TMEM132D: variants seen among roughly 807,000 people sequenced by gnomAD.
TMEM132D encodes the protein mature OL transmembrane protein.
A neutral mutation model predicts 62.3 loss-of-function variants in TMEM132D; 21 were observed. That is an observed-to-expected ratio of 0.34 (90% CI 0.24 to 0.49). The LOEUF (loss-of-function observed/expected upper bound fraction) is 0.49, where lower values mean the gene tolerates loss of function less well. TMEM132D is among the 20% of genes least tolerant of loss of function. The pLI, the probability that TMEM132D is intolerant of heterozygous loss-of-function variation, is 0.99. For synonymous variants in TMEM132D, 621 were observed against 575.6 expected (o/e 1.08, Z -1.13); for missense variants, 1,346 against 1,402.8 (o/e 0.96, Z 0.65).
chr12:129,245,918 C>T (rs4288823), intron 4 of TMEM132D, among the ~76,000 whole-genome samples: 50,575 of 151,958 alleles, frequency 0.33, 8,670 homozygotes, highest in African/African-American at 0.42. Context: ...CTGGCTTTTA[C>T]GAAAAAACTA....
intron 2 of TMEM132D, among the ~76,000 whole-genome samples, chr12:129,587,057 T>G (rs1182330053): frequency 2.0e-5 from 3 of 152,008 alleles, no homozygotes; most frequent in Non-Finnish European, 4.4e-5. Context: ...AATGTAAAAA[T>G]AGCATGTGCA....
intron 3 of TMEM132D, among the ~76,000 whole-genome samples, chr12:129,450,624 A>G (rs1055050326): frequency 2.0e-5 from 3 of 152,152 alleles, no homozygotes; most frequent in African/African-American, 7.2e-5. Flanking sequence ...TATTGGCAGC[A>G]TCAGCTGTGA....
intron 3 of TMEM132D, among the ~76,000 whole-genome samples, chr12:129,466,279 C>CTTTTT (rs551019541): frequency 1.0e-5 from 1 of 100,396 alleles, no homozygotes; most frequent in African/African-American, 3.8e-5. Context: ...TAGATTTTTC[C>CTTTTT]TTTTTTTTTT....
At chr12:129,682,954 G>A (rs1880822403) in intron 2 of TMEM132D, 1 of 151,212 alleles carries the variant, frequency 6.6e-6, no homozygotes, top group African/African-American at 2.4e-5. Flanking sequence ...GACTTAAGTT[G>A]GCACCTTGTC....
At chr12:129,591,312 G>T (rs966009998) in intron 2 of TMEM132D, among the ~76,000 whole-genome samples, 2 of 152,124 alleles carry the variant, frequency 1.3e-5, no homozygotes, top group African/African-American at 4.8e-5. Context: ...TCGGAGGATG[G>T]TGATGGTGGT....
intron 1 of TMEM132D, among the ~76,000 whole-genome samples, chr12:129,732,594 A>T (rs1268205457): frequency 1.3e-5 from 2 of 152,144 alleles, no homozygotes; most frequent in African/African-American, 4.8e-5. Context: ...TCCACGTGAG[A>T]TGCCTGCTCC....
rs5029802 is a variant in TMEM132D at position 129,253,320 on chromosome 12, G to A, written c.1300-43657C>T. 8.5e-3 allele frequency among the ~76,000 whole-genome samples: 1,292 copies of A among 151,880 alleles called. 17 individuals are homozygous for A. The highest frequency in any genetic ancestry group is 0.03 in the African/African-American group (1,229 of 41,426). On this transcript the variant is annotated intron_variant, in intron 4 of 8. Transcript: ENST00000422113. ...TTGAATCATGTGGCCAAATGACTGA[G>A]ACAGTGGTCGTCCAGTAGCTAAATG... is the stretch of plus-strand genomic sequence containing the variant.
At chr12:129,848,924 C>T (rs1271043018) in intron 1 of TMEM132D, among the ~76,000 whole-genome samples, 1 of 152,214 alleles carries the variant, frequency 6.6e-6, no homozygotes, top group African/African-American at 2.4e-5. Flanking sequence ...CTTCATCCCA[C>T]TGTTCCCGTT....
intron 1 of TMEM132D, among the ~76,000 whole-genome samples, chr12:129,705,976 C>T (rs1881497740): frequency 6.6e-6 from 1 of 151,878 alleles, no homozygotes; most frequent in East Asian, 1.9e-4. Flanking sequence ...AAAATATGTC[C>T]AACTATACTT....
chr12:129,878,608 C>T (rs965710290), intron 1 of TMEM132D, among the ~76,000 whole-genome samples: 3 of 150,402 alleles, frequency 2.0e-5, no homozygotes, highest in Non-Finnish European at 3.0e-5. Flanking sequence ...GACACAGTCT[C>T]GCTTTGTGCC....
intron 5 of TMEM132D, among the ~76,000 whole-genome samples, chr12:129,130,479 C>T (rs1466545356): frequency 6.6e-6 from 1 of 152,198 alleles, no homozygotes; most frequent in Non-Finnish European, 1.5e-5. Flanking sequence ...TGCCCTAGTG[C>T]TAACCACCGT....
At chr12:129,404,707 T>G (rs1871727459) in intron 3 of TMEM132D, among the ~76,000 whole-genome samples, 1 of 151,754 alleles carries the variant, frequency 6.6e-6, no homozygotes, top group Admixed American at 6.6e-5. Flanking sequence ...CCATACTCTT[T>G]TAAACAACCA....
chr12:129,188,758 A>G (rs368388373), intron 5 of TMEM132D, among the ~76,000 whole-genome samples: 74 of 56,294 alleles, frequency 1.3e-3, no homozygotes, highest in African/African-American at 3.6e-3. Context: ...GGGGAGGGAG[A>G]GAGGGAGAGA....
At chr12:129,566,057 T>G (rs1877358764) in intron 2 of TMEM132D, among the ~76,000 whole-genome samples, 1 of 152,210 alleles carries the variant, frequency 6.6e-6, no homozygotes, top group Non-Finnish European at 1.5e-5. Flanking sequence ...AGAAAAGCAC[T>G]TAGGTGATTG....
At chr12:129,168,412 A>G (rs1877624843) in intron 5 of TMEM132D, among the ~76,000 whole-genome samples, 2 of 152,162 alleles carry the variant, frequency 1.3e-5, no homozygotes, top group Non-Finnish European at 2.9e-5. Flanking sequence ...CCCCATACCC[A>G]TTATGAGTCA....
chr12:129,148,994 T>C (rs1876996332), intron 5 of TMEM132D, among the ~76,000 whole-genome samples: 1 of 152,196 alleles, frequency 6.6e-6, no homozygotes, highest in South Asian at 2.1e-4. Flanking sequence ...AAAGGGACTT[T>C]TTTTTAATGA....
At chr12:129,550,730 A>G (rs1876871097) in intron 2 of TMEM132D, among the ~76,000 whole-genome samples, 1 of 152,216 alleles carries the variant, frequency 6.6e-6, no homozygotes, top group Non-Finnish European at 1.5e-5. Flanking sequence ...CTAATTGATC[A>G]GTTTAAATCT....
At chr12:129,120,518 C>T (rs142154466) in intron 5 of TMEM132D, among the ~76,000 whole-genome samples, 26 of 152,090 alleles carry the variant, frequency 1.7e-4, no homozygotes, top group Non-Finnish European at 2.8e-4. Context: ...TTCAAAAGCA[C>T]GAAGGTTATG....
intron 1 of TMEM132D, among the ~76,000 whole-genome samples, chr12:129,764,880 G>A (rs917423039): frequency 1.3e-5 from 2 of 152,154 alleles, no homozygotes; most frequent in Middle Eastern, 6.4e-3. Flanking sequence ...GGTTGAGGCT[G>A]CAGTGAGCTG....
Sources: allele counts gnomAD v4.1 joint callset (sites outside exome capture counted in the v4.1 genomes callset), GRCh38; gene constraint gnomAD v4.1.1; transcripts MANE v1.5; gene names NCBI Gene and HGNC (gene_info 2026-07-23, HGNC 2026-07-21).